Variants in RABGGTA observed in about 807,000 individuals in gnomAD.
The protein encoded by RABGGTA is geranylgeranyl transferase type-2 subunit alpha.
In RABGGTA, 69 loss-of-function variants were observed where a neutral mutation model predicts 83.3. That is an observed-to-expected ratio of 0.83 (90% CI 0.68 to 1.01). The LOEUF is 1.01. Among genes scored for constraint, RABGGTA ranks in the 50% least tolerant of loss-of-function variants. The pLI is 0.00. For synonymous variants in RABGGTA, 310 were observed against 299.8 expected (o/e 1.03, Z -0.35); for missense variants, 681 against 712.7 (o/e 0.96, Z 0.51).
chr14:24,270,264 C>A, intron 4 of RABGGTA, 70 bp downstream of exon 4: 1 of 1,588,286 alleles, frequency 6.3e-7, no homozygotes, highest in East Asian at 2.3e-5. Context: ...CATTTCTCCT[C>A]CACCCCTAGA....
Position 24,271,175 on chromosome 14 carries a change from G to A in RABGGTA, c.-54-6C>T. On this transcript the variant is annotated splice_polypyrimidine_tract_variant and splice_region_variant and intron_variant, in intron 1 of 16. Transcript: ENST00000216840. ...CCAGTGGTAGCCCTTGAAGTCTGAG[G>A]AGAGAAGTGTCAATCACGTAGCCCC... The A allele has an allele frequency of 2.7e-6, 4 of 1,495,786 alleles. No individual in the cohort carries two copies. The highest frequency in any genetic ancestry group is 2.8e-5 in the South Asian group (2 of 71,968). The allele number at this position is 1,495,786 out of a possible 1,614,324, so 92.7% of individuals were successfully genotyped here.
intron 15 of RABGGTA, 118 bp from the exon 16 acceptor site, chr14:24,266,635 G>T: frequency 1.6e-6 from 2 of 1,238,122 alleles, no homozygotes; most frequent in Non-Finnish European, 2.4e-6. Flanking sequence ...GGGTCAGGCT[G>T]CGTGATGGAG....
At position 24,267,664 on chromosome 14, in the gene RABGGTA, T is replaced by C. The variant is rs774920915; in HGVS notation, c.1349A>G (p.His450Arg). 6.2e-7 allele frequency: 1 copy of C among 1,610,068 alleles called. No individual in the cohort carries two copies. Among genetic ancestry groups the C allele is most frequent in the Non-Finnish European group, 8.5e-7 (1 of 1,178,948 alleles). The part of the protein sequence containing the change: ...YAEVRVLHLA[H>R]KDLTVLCHLE... The stretch of plus-strand genomic sequence containing the variant: ...GGCATGCATGGCAGCCCATACCTTG[T>C]GAGCCAGGTGCAGCACACGCACCTC... The change falls in exon 14 of 17, where the codon CAC (histidine) becomes CGC (arginine). Residue 450 changes from histidine to arginine, a missense_variant. This residue lies in a region of RABGGTA where 421 missense variants were observed against 418.5 expected (regional missense o/e 1.01). Transcript: ENST00000216840.
chr14:24,267,730 T>C lies in RABGGTA; in HGVS notation c.1283A>G (p.Lys428Arg), dbSNP rs771567228. ...RATYLDDLRS[K>R]FLLENSVLKM... ...GAGCACGCTATTCTCCAGCAAGAACTTGCTGCGCAGGTCATCCAGATACGT... is the reference window on the plus strand; with the variant it reads ...GAGCACGCTATTCTCCAGCAAGAACCTGCTGCGCAGGTCATCCAGATACGT... The change falls in exon 14 of 17, where the codon AAG (lysine) becomes AGG (arginine). Residue 428 changes from lysine to arginine, a missense_variant. By Grantham distance (26) the Lys-to-Arg change is conservative (BLOSUM62 2). Around this residue, in one of 5 missense-constraint regions of RABGGTA, gnomAD observed 421 missense variants for 418.5 expected, o/e 1.01. Coordinates refer to ENST00000216840, the MANE Select transcript of RABGGTA (RefSeq NM_182836.3). 1 of 1,612,128 alleles carries C rather than the reference T, an allele frequency of 6.2e-7. No individual in the cohort carries two copies. Among genetic ancestry groups the C allele is most frequent in the Non-Finnish European group, 8.5e-7 (1 of 1,179,832 alleles).
At position 24,268,803 on chromosome 14, in the gene RABGGTA, C is replaced by A. The variant is rs1381633572; in HGVS notation, c.822G>T (p.Leu274Phe). Residue 274 changes from leucine (L) to phenylalanine (F), a missense_variant, in exon 9 of 17, where the codon TTG becomes TTT. Coordinates refer to ENST00000216840, the MANE Select transcript of RABGGTA (RefSeq NM_182836.3). ...PLLVGSRMEI[L>F]LLMVDDSPLI... ...GGGGAGAATCATCAACCATGAGCAG[C>A]AAGATCTCCATCCTGGAGCCCACCT... 1.9e-6 allele frequency: 3 copies of A among 1,571,034 alleles called. No homozygotes were observed. The highest frequency in any genetic ancestry group is 2.4e-5 in the East Asian group (1 of 42,266).
rs774258259 is a variant in RABGGTA, at chr14:24,266,773, T to A, written c.1467+3A>T. 1 of 1,609,128 alleles carries A rather than the reference T, an allele frequency of 6.2e-7. No homozygotes were observed. Among genetic ancestry groups the A allele is most frequent in the African/African-American group, 1.3e-5 (1 of 74,714 alleles). ...GACAGGGACGGAGACATGGGTACTT[T>A]ACCTCAAGGCAGCGCAGGGCAGCCA... On this transcript the variant is annotated splice_donor_region_variant and intron_variant, in intron 15 of 16. Transcript: ENST00000216840.
chr14:24,269,987 G>T lies in RABGGTA; in HGVS notation c.393C>A (p.Leu131=). The T allele has an allele frequency of 6.2e-7, 1 of 1,613,742 alleles. No individual in the cohort carries two copies. Among genetic ancestry groups the T allele is most frequent in the Non-Finnish European group, 8.5e-7 (1 of 1,179,798 alleles). Residue 131 remains leucine (L), a synonymous_variant, in exon 5 of 17, where the codon CTC becomes CTA. Coordinates refer to ENST00000216840, the MANE Select transcript of RABGGTA (RefSeq NM_182836.3). Reference sequence around the variant, plus strand: ...CATCCACCTCCAGGAAACGGGCACAGAGCTCCAGCTCTCGGGTCCAGTTGG... The same window carrying T: ...CATCCACCTCCAGGAAACGGGCACATAGCTCCAGCTCTCGGGTCCAGTTGG... ...PEPNWTRELE[L]CARFLEVDER...
intron 16 of RABGGTA, among the ~76,000 whole-genome samples, chr14:24,266,042 T>C (rs2040869214): frequency 1.3e-5 from 2 of 152,238 alleles, no homozygotes; most frequent in Admixed American, 1.3e-4. Context: ...AAGAGACATT[T>C]ACTATTCAGC....
At position 24,269,993 on chromosome 14, in the gene RABGGTA, C is replaced by T. The variant is rs778484787; in HGVS notation, c.387G>A (p.Leu129=). 9 of 1,613,598 alleles carry T rather than the reference C, an allele frequency of 5.6e-6. No homozygotes were observed. The highest frequency in any genetic ancestry group is 7.6e-6 in the Non-Finnish European group (9 of 1,179,800). Residue 129 remains leucine, a synonymous_variant, in exon 5 of 17, where the codon CTG becomes CTA. Coordinates refer to ENST00000216840, the MANE Select transcript of RABGGTA (RefSeq NM_182836.3). ...CCTCCAGGAAACGGGCACAGAGCTC[C>T]AGCTCTCGGGTCCAGTTGGGCTCAG... ...RLPEPNWTRE[L]ELCARFLEVD...
rs2040880969 is a variant in RABGGTA at position 24,266,907 on chromosome 14, G to A, written c.1354-18C>T. On this transcript the variant is annotated intron_variant, in intron 14 of 16. Coordinates refer to ENST00000216840, the MANE Select transcript of RABGGTA (RefSeq NM_182836.3). ...GTCAGATCCTGGGGGGTGAAGGGAGGAAGGAGGTGATGGGCTTCCCAGGAG... is the reference window on the plus strand; with the variant it reads ...GTCAGATCCTGGGGGGTGAAGGGAGAAAGGAGGTGATGGGCTTCCCAGGAG... The A allele has an allele frequency of 2.5e-6, 4 of 1,589,422 alleles. No individual in the cohort carries two copies. The highest frequency in any genetic ancestry group is 1.1e-5 in the South Asian group (1 of 90,546).
Position 24,267,880 on chromosome 14 carries a change from T to A in RABGGTA, c.1226A>T (p.Gln409Leu). 6.2e-7 allele frequency: 1 copy of A among 1,613,692 alleles called. No homozygotes were observed. Among genetic ancestry groups the A allele is most frequent in the Non-Finnish European group, 8.5e-7 (1 of 1,179,786 alleles). ...LYEKETLQYF[Q>L]TLKAVDPMRA... is the part of the protein sequence containing the mutation. ...GCAGACAGAACTTGCCTTGAGGGTC[T>A]GGAAGTACTGCAGGGTCTCCTTCTC... Residue 409 changes from glutamine to leucine, a missense_variant, in exon 13 of 17, where the codon CAG (glutamine) becomes CTG (leucine). Physicochemically the swap from Gln to Leu is moderately radical, Grantham distance 113 (BLOSUM62 -2). This residue lies in a region of RABGGTA where 421 missense variants were observed against 418.5 expected (regional missense o/e 1.01). Coordinates refer to ENST00000216840, the MANE Select transcript of RABGGTA (RefSeq NM_182836.3).
chr14:24,271,024 C>T, intron 2 of RABGGTA, 77 bp from the exon 3 acceptor site: 1 of 1,596,750 alleles, frequency 6.3e-7, no homozygotes, highest in Non-Finnish European at 8.5e-7. Context: ...ACTGTGGAGC[C>T]CTAGGTTCAT....
At chr14:24,266,020 T>C (rs958659605) in intron 16 of RABGGTA, among the ~76,000 whole-genome samples, 1 of 152,192 alleles carries the variant, frequency 6.6e-6, no homozygotes, top group Non-Finnish European at 1.5e-5. Context: ...GGTGGAAATC[T>C]AGCCTGGTCC....
chr14:24,269,538 G>C lies in RABGGTA; in HGVS notation c.584C>G (p.Pro195Arg). 6.2e-7 allele frequency: 1 copy of C among 1,609,066 alleles called. No homozygotes were observed. Among genetic ancestry groups the C allele is most frequent in the Non-Finnish European group, 8.5e-7 (1 of 1,175,436 alleles). ...SCLLPQLHPQPDSGPQGRLPE... is the reference protein window; with the variant it reads ...SCLLPQLHPQRDSGPQGRLPE... ...GAGGCGCCCCTGTGGTCCAGAATCC[G>C]GCTGGGGGTGCAGCTGGGGCAAGAG... Residue 195 changes from proline to arginine, a missense_variant, in exon 6 of 17, where the codon CCG (proline) becomes CGG (arginine). This residue lies in a region of RABGGTA where 122 missense variants were observed against 118.9 expected (regional missense o/e 1.03). Coordinates refer to ENST00000216840, the MANE Select transcript of RABGGTA (RefSeq NM_182836.3).
At position 24,269,132 on chromosome 14, in the gene RABGGTA, A is replaced by G; in HGVS notation, c.663T>C (p.Thr221=). 1 of 1,612,166 alleles carries G rather than the reference A, an allele frequency of 6.2e-7. No individual in the cohort carries two copies. Among genetic ancestry groups the G allele is most frequent in the East Asian group, 2.2e-5 (1 of 44,870 alleles). The change falls in exon 7 of 17, where the codon ACT becomes ACC. Residue 221 remains threonine, a synonymous_variant. Coordinates refer to ENST00000216840, the MANE Select transcript of RABGGTA (RefSeq NM_182836.3). The part of the protein sequence containing the change: ...ELELVQNAFF[T]DPNDQSAWFY... ...ACCAGGCACTCTGGTCATTGGGGTC[A>G]GTGAAGAAGGCATTCTGCACCAGCT...
At chr14:24,271,213 T>A in intron 1 of RABGGTA, 44 bp from the exon 2 acceptor site, 2 of 1,403,796 alleles carry the variant, frequency 1.4e-6, no homozygotes, top group Non-Finnish European at 1.9e-6. Flanking sequence ...CCCTACTAGC[T>A]CCGCCCACAG....
chr14:24,270,303 C>A (rs771077686), intron 4 of RABGGTA, 31 bp downstream of exon 4: 1 of 1,611,092 alleles, frequency 6.2e-7, no homozygotes, highest in East Asian at 2.2e-5. Flanking sequence ...AGGGCCAGGG[C>A]AGTCTTCTGA....
chr14:24,268,237 G>A (rs768731521), intron 11 of RABGGTA, 39 bp from the exon 12 acceptor site: 1 of 1,607,326 alleles, frequency 6.2e-7, no homozygotes, highest in African/African-American at 1.3e-5. Context: ...GAGGCCCACA[G>A]CCCTGAAGCA....
At chr14:24,267,819 G>A (rs1423921993) in intron 13 of RABGGTA, 43 bp from the exon 14 acceptor site, 2 of 1,610,408 alleles carry the variant, frequency 1.2e-6, no homozygotes. Context: ...TCAGCTGCCT[G>A]CCTCCTGCCT....
Sources: gnomAD v4.1 joint callset for allele counts (sites outside exome capture counted in the v4.1 genomes callset) on GRCh38, gnomAD v4.1.1 for gene constraint, gnomAD v4.1.1 regional missense constraint, MANE v1.5 for transcripts, NCBI Gene and HGNC (gene_info 2026-07-23, HGNC 2026-07-21) for gene names.